The following CPPED1 variants were observed in gnomAD, a reference collection of about 807,000 sequenced individuals.
CPPED1 encodes serine/threonine-protein phosphatase CPPED1.
Under a neutral mutation model 28.0 loss-of-function variants are expected in CPPED1, and 28 were observed. The ratio of observed to expected loss-of-function variants is 1.00; its 90% CI spans 0.74 to 1.37. CPPED1 has a LOEUF of 1.37. Ranked by LOEUF, CPPED1 falls within the 40% of genes most tolerant of loss-of-function variation. The pLI is 0.00. For synonymous variants in CPPED1, 198 were observed against 180.2 expected (o/e 1.10, Z -0.79); for missense variants, 504 against 416.5 (o/e 1.21, Z -1.83).
At chr16:12,707,516 T>C (rs1358890183) in intron 2 of CPPED1, among the ~76,000 whole-genome samples, 1 of 152,152 alleles carries the variant, frequency 6.6e-6, no homozygotes, top group African/African-American at 2.4e-5. Flanking sequence ...GAGGACTTTA[T>C]AATACACTGG....
At chr16:12,781,639 C>T (rs917154776) in intron 1 of CPPED1, among the ~76,000 whole-genome samples, 17 of 152,134 alleles carry the variant, frequency 1.1e-4, no homozygotes, top group African/African-American at 3.9e-4. Context: ...TGGGCTTCTG[C>T]AGCCACACCA....
intron 1 of CPPED1, among the ~76,000 whole-genome samples, chr16:12,782,663 C>G (rs1269347037): frequency 6.6e-6 from 1 of 151,674 alleles, no homozygotes; most frequent in Non-Finnish European, 1.5e-5. Flanking sequence ...GGTCTGAGAC[C>G]AGCCTGGGCA....
intron 2 of CPPED1, among the ~76,000 whole-genome samples, chr16:12,745,198 C>T (rs1009647285): frequency 2.0e-5 from 3 of 152,062 alleles, no homozygotes; most frequent in Non-Finnish European, 4.4e-5. Flanking sequence ...AGAAAAAATA[C>T]GTGAAGAAAG....
intron 2 of CPPED1, among the ~76,000 whole-genome samples, chr16:12,766,256 T>TATATATAGAGAGAGAG: frequency 7.4e-6 from 1 of 134,254 alleles, no homozygotes; most frequent in African/African-American, 3.5e-5. Context: ...TATATATATA[T>TATATATAGAGAGAGAG]AGAGAGAGAG....
intron 2 of CPPED1, among the ~76,000 whole-genome samples, chr16:12,769,317 A>T (rs945076152): frequency 6.6e-6 from 1 of 152,166 alleles, no homozygotes; most frequent in African/African-American, 2.4e-5. Flanking sequence ...TTCCTCGAAA[A>T]TCCTAGGAAC....
chr16:12,683,549 C>T (rs1221636830), intron 3 of CPPED1, among the ~76,000 whole-genome samples: 1 of 152,154 alleles, frequency 6.6e-6, no homozygotes, highest in Non-Finnish European at 1.5e-5. Context: ...CAAACTCAAC[C>T]CGCTTACTTC....
intron 3 of CPPED1, among the ~76,000 whole-genome samples, chr16:12,700,168 C>T (rs1416592027): frequency 6.6e-6 from 1 of 152,202 alleles, no homozygotes; most frequent in Non-Finnish European, 1.5e-5. Flanking sequence ...GGGAAGGGCT[C>T]TCATCTCTCT....
intron 2 of CPPED1, among the ~76,000 whole-genome samples, chr16:12,765,565 C>G (rs1271264776): frequency 2.0e-5 from 3 of 152,154 alleles, no homozygotes; most frequent in African/African-American, 7.2e-5. Flanking sequence ...ACATTGCTAC[C>G]TTGCAGATCA....
At chr16:12,796,025 G>A (rs2080625592) in intron 1 of CPPED1, among the ~76,000 whole-genome samples, 1 of 151,802 alleles carries the variant, frequency 6.6e-6, no homozygotes, top group Non-Finnish European at 1.5e-5. Flanking sequence ...AGAGGTTGCA[G>A]TGAGCCAAGA....
intron 2 of CPPED1, among the ~76,000 whole-genome samples, chr16:12,769,244 G>A (rs1466697758): frequency 7.0e-6 from 1 of 142,836 alleles, no homozygotes; most frequent in Non-Finnish European, 1.6e-5. Flanking sequence ...ACCAACACAT[G>A]AATTATTACT....
intron 1 of CPPED1, among the ~76,000 whole-genome samples, chr16:12,799,020 G>C (rs965526463): frequency 6.6e-6 from 1 of 152,120 alleles, no homozygotes; most frequent in African/African-American, 2.4e-5. Context: ...AGGAGTTGAT[G>C]GGAATACTGT....
intron 1 of CPPED1, 50 bp from the exon 2 acceptor site, chr16:12,781,453 C>G: frequency 1.9e-6 from 3 of 1,551,286 alleles, no homozygotes; most frequent in Non-Finnish European, 2.6e-6. Flanking sequence ...TAAAATCTGT[C>G]ATAAAAGCAA....
intron 2 of CPPED1, among the ~76,000 whole-genome samples, chr16:12,734,223 C>T (rs1190086504): frequency 6.6e-6 from 1 of 151,820 alleles, no homozygotes; most frequent in Non-Finnish European, 1.5e-5. Context: ...GCATGCACCA[C>T]CATGCCCAGC....
Position 12,734,524 on chromosome 16 carries a change from C to T in CPPED1, c.290-29475G>A, listed in dbSNP as rs540477926. Among the ~76,000 whole-genome samples the T allele has an allele frequency of 3.1e-4, 47 of 152,276 alleles. No individual in the cohort carries two copies. The South Asian group carries it at 8.7e-3, about 28-fold the overall frequency. Reference sequence around the variant, plus strand: ...CCTCCCAAGTAGCTGGGACTACGGGCGCCAGCCACTGTCCCCGGCTAATTT... The same window carrying T: ...CCTCCCAAGTAGCTGGGACTACGGGTGCCAGCCACTGTCCCCGGCTAATTT... On this transcript the variant is annotated intron_variant, in intron 2 of 3. Coordinates refer to ENST00000381774, the MANE Select transcript of CPPED1 (RefSeq NM_018340.3).
intron 1 of CPPED1, among the ~76,000 whole-genome samples, chr16:12,795,123 C>T (rs2080619687): frequency 1.3e-5 from 2 of 152,196 alleles, no homozygotes; most frequent in Non-Finnish European, 2.9e-5. Flanking sequence ...GCTGCTGTCC[C>T]AGGCAGCACT....
At chr16:12,677,575 G>C (rs1450416890) in intron 3 of CPPED1, among the ~76,000 whole-genome samples, 9 of 152,244 alleles carry the variant, frequency 5.9e-5, no homozygotes, top group Admixed American at 5.9e-4. Context: ...CTGGGAGGCA[G>C]AGGCTGCAGT....
chr16:12,776,627 G>C (rs756390954), intron 2 of CPPED1, among the ~76,000 whole-genome samples: 1 of 152,116 alleles, frequency 6.6e-6, no homozygotes, highest in Non-Finnish European at 1.5e-5. Context: ...TGCCATATAA[G>C]ATGTGCCTTT....
At chr16:12,685,066 G>A (rs149887164) in intron 3 of CPPED1, among the ~76,000 whole-genome samples, 13 of 152,322 alleles carry the variant, frequency 8.5e-5, no homozygotes, top group East Asian at 7.7e-4. Flanking sequence ...AACGAGCACC[G>A]ACTCTGGATC....
intron 1 of CPPED1, among the ~76,000 whole-genome samples, chr16:12,789,698 T>G (rs2080584958): frequency 6.6e-6 from 1 of 152,054 alleles, no homozygotes; most frequent in Non-Finnish European, 1.5e-5. Flanking sequence ...GTTAATTTTT[T>G]GTATTTTTGG....
Sources: allele counts gnomAD v4.1 joint callset (sites outside exome capture counted in the v4.1 genomes callset), GRCh38; gene constraint gnomAD v4.1.1; transcripts MANE v1.5; gene names NCBI Gene and HGNC (gene_info 2026-07-23, HGNC 2026-07-21).